Variants in FER observed in about 807,000 individuals in gnomAD.
The protein encoded by FER is tyrosine-protein kinase Fer.
FER carries 63 observed loss-of-function variants against 111.0 expected under a neutral mutation model. The observed-to-expected ratio is 0.57, with a 90% CI of 0.46 to 0.70. The LOEUF (loss-of-function observed/expected upper bound fraction) is 0.70, where lower values mean the gene tolerates loss of function less well. FER is among the 30% of genes least tolerant of loss of function. The probability of loss-of-function intolerance (pLI) is 0.00; values close to 1 mark genes in which losing one functional copy is unlikely to be tolerated. For missense variants in FER, 914 were observed against 954.0 expected, an observed-to-expected ratio of 0.96 and a Z score of 0.55; for synonymous variants, 327 against 313.9, an observed-to-expected ratio of 1.04 and a Z score of -0.44.
intron 11 of FER, among the ~76,000 whole-genome samples, chr5:108,952,340 C>A (rs371103672): frequency 2.2e-5 from 3 of 138,790 alleles, no homozygotes; most frequent in African/African-American, 7.4e-5. Flanking sequence ...ATATTACTGT[C>A]AAGTTTGTAA....
At chr5:108,967,369 A>G (rs561040499) in intron 13 of FER, among the ~76,000 whole-genome samples, 13 of 152,210 alleles carry the variant, frequency 8.5e-5, no homozygotes, top group Middle Eastern at 6.8e-3. Context: ...TGGGACTTCT[A>G]TGGGCTCAGA....
intron 2 of FER, among the ~76,000 whole-genome samples, chr5:108,788,421 G>T (rs1353051998): frequency 6.6e-6 from 1 of 152,108 alleles, no homozygotes; most frequent in Non-Finnish European, 1.5e-5. Context: ...CTGCCAGGCT[G>T]AGTGGATGGA....
intron 17 of FER, among the ~76,000 whole-genome samples, chr5:109,173,227 CTT>C (rs1009455114): frequency 6.6e-6 from 1 of 152,238 alleles, no homozygotes; most frequent in African/African-American, 2.4e-5. Flanking sequence ...AGCCAGATGA[CTT>C]GCAGTATTTT....
chr5:109,072,809 A>G (rs1389506095), intron 16 of FER, among the ~76,000 whole-genome samples: 1 of 152,052 alleles, frequency 6.6e-6, no homozygotes, highest in African/African-American at 2.4e-5. Context: ...TTCAAAATCA[A>G]GGTGTCACCA....
At chr5:108,839,491 G>T (rs1761017512) in intron 5 of FER, among the ~76,000 whole-genome samples, 1 of 151,882 alleles carries the variant, frequency 6.6e-6, no homozygotes. Context: ...ATATCCAATG[G>T]GTTTTTAAAA....
intron 10 of FER, among the ~76,000 whole-genome samples, chr5:108,929,245 CCTTAAAGTCTCT>C (rs1335095040): frequency 6.6e-6 from 1 of 152,022 alleles, no homozygotes; most frequent in African/African-American, 2.4e-5. Context: ...GGGTTGGCTG[CCTTAAAGTCTCT>C]CTTTGCCAAT....
intron 1 of FER, among the ~76,000 whole-genome samples, chr5:108,749,373 C>A (rs1451280805): frequency 6.6e-6 from 1 of 151,904 alleles, no homozygotes; most frequent in Non-Finnish European, 1.5e-5. Context: ...TGGCTCCGCC[C>A]CGTCGCGGGG....
intron 10 of FER, among the ~76,000 whole-genome samples, chr5:108,945,196 G>A (rs1756813617): frequency 6.6e-6 from 1 of 152,086 alleles, no homozygotes; most frequent in South Asian, 2.1e-4. Context: ...GAAGACATAC[G>A]GAATTAGTGT....
intron 17 of FER, among the ~76,000 whole-genome samples, chr5:109,125,146 C>G (rs1751550161): frequency 1.3e-5 from 2 of 151,420 alleles, no homozygotes; most frequent in Non-Finnish European, 2.9e-5. Flanking sequence ...ACTTGCTGTT[C>G]TCAAGATTCT....
intron 13 of FER, among the ~76,000 whole-genome samples, chr5:108,966,611 C>G (rs557999042): frequency 2.6e-5 from 4 of 152,050 alleles, no homozygotes; most frequent in Non-Finnish European, 4.4e-5. Context: ...TGGTCTCGAA[C>G]TCGTGACCTC....
chr5:108,966,979 A>C (rs886559612), intron 13 of FER, among the ~76,000 whole-genome samples: 3 of 152,202 alleles, frequency 2.0e-5, no homozygotes, highest in African/African-American at 4.8e-5. Context: ...AGTATATCAT[A>C]AAGTAGCCCA....
At chr5:109,074,763 A>G (rs950539860) in intron 16 of FER, among the ~76,000 whole-genome samples, 1 of 152,266 alleles carries the variant, frequency 6.6e-6, no homozygotes, top group Non-Finnish European at 1.5e-5. Flanking sequence ...TTGCGAAAGC[A>G]GAGTTTGGGT....
chr5:108,755,259 G>A (rs1032453249), intron 1 of FER, among the ~76,000 whole-genome samples: 6 of 152,154 alleles, frequency 3.9e-5, no homozygotes, highest in East Asian at 3.8e-4. Context: ...AGCTTGCTGC[G>A]TTGTCACAAG....
chr5:109,076,462 C>G (rs974919186), intron 16 of FER, among the ~76,000 whole-genome samples: 3 of 152,090 alleles, frequency 2.0e-5, no homozygotes, highest in Non-Finnish European at 2.9e-5. Flanking sequence ...CACGGTCTTG[C>G]TCTGTCGCCA....
At chr5:108,882,378 T>A (rs550073830) in intron 8 of FER, among the ~76,000 whole-genome samples, 10 of 152,162 alleles carry the variant, frequency 6.6e-5, no homozygotes, top group Non-Finnish European at 4.4e-5. Context: ...TATTATATAG[T>A]CAGTCTAGTT....
At chr5:109,069,283 G>C (rs561608559) in intron 16 of FER, among the ~76,000 whole-genome samples, 4 of 152,154 alleles carry the variant, frequency 2.6e-5, no homozygotes, top group Admixed American at 6.5e-5. Context: ...ATTTGTAATA[G>C]GCAAGAGTTT....
chr5:109,058,966 C>G (rs1458938045), intron 16 of FER, among the ~76,000 whole-genome samples: 2 of 151,706 alleles, frequency 1.3e-5, no homozygotes, highest in Admixed American at 1.3e-4. Context: ...TCTCGAACTC[C>G]TGACCTCAGG....
chr5:108,773,935 T>C (rs1753201282), intron 2 of FER, among the ~76,000 whole-genome samples: 1 of 152,186 alleles, frequency 6.6e-6, no homozygotes, highest in South Asian at 2.1e-4. Context: ...TTTGTTTGTT[T>C]ATTTTACTTT....
At chr5:108,930,948 C>T (rs1581252508) in intron 10 of FER, among the ~76,000 whole-genome samples, 1 of 151,920 alleles carries the variant, frequency 6.6e-6, no homozygotes, top group Admixed American at 6.6e-5. Context: ...TTTGTTGCTC[C>T]CCTATCAGTG....
Sources: gnomAD v4.1 joint callset for allele counts (sites outside exome capture counted in the v4.1 genomes callset) on GRCh38, gnomAD v4.1.1 for gene constraint, MANE v1.5 for transcripts, NCBI Gene and HGNC (gene_info 2026-07-23, HGNC 2026-07-21) for gene names.